The following RARS2 variants were observed in gnomAD, a reference collection of about 807,000 sequenced individuals.
The protein encoded by RARS2 is probable arginine--tRNA ligase, mitochondrial.
In RARS2, 67 loss-of-function variants were observed where a neutral mutation model predicts 88.5. The observed-to-expected ratio is 0.76, with a 90% confidence interval of 0.62 to 0.93. The LOEUF is 0.93. Ranked by LOEUF, RARS2 falls within the 40% of genes least tolerant of loss-of-function variation. The pLI is 0.00. For synonymous variants in RARS2, 239 were observed against 230.3 expected (o/e 1.04, Z -0.34); for missense variants, 664 against 684.2 (o/e 0.97, Z 0.33).
intron 6 of RARS2, 67 bp from the exon 7 acceptor site, chr6:87,545,766 C>G: frequency 1.3e-6 from 2 of 1,538,492 alleles, no homozygotes; most frequent in Non-Finnish European, 1.8e-6. Context: ...GAACCATGTA[C>G]TTCTCTATTA....
rs575005265 is a variant in RARS2 at position 87,572,599 on chromosome 6, G to C, written c.37-3009C>G. Among the ~76,000 whole-genome samples, 7 of 151,802 alleles carry C rather than the reference G, an allele frequency of 4.6e-5. No homozygotes were observed. In the East Asian group the frequency reaches 1.4e-3, roughly 30 times the overall value. On this transcript the variant is annotated intron_variant, in intron 1 of 19. Coordinates refer to ENST00000369536, the MANE Select transcript of RARS2 (RefSeq NM_020320.5). ...TTCCCCAGAGAAAAGGTCTCACTCT[G>C]TTACCCAGGCTGGAGTGCAGCGGCT...
At chr6:87,515,705 CTT>C (rs1360197228) in intron 18 of RARS2, 1 of 151,950 alleles carries the variant, frequency 6.6e-6, no homozygotes, top group Non-Finnish European at 1.5e-5. Context: ...TTTAAAGTAT[CTT>C]TTTAAATTTA....
At chr6:87,549,118 G>A (rs1042941547) in intron 5 of RARS2, among the ~76,000 whole-genome samples, 8 of 152,044 alleles carry the variant, frequency 5.3e-5, no homozygotes, top group African/African-American at 1.9e-4. Flanking sequence ...ACTTTGGGAG[G>A]CCGAGGCAGA....
chr6:87,523,117 C>A (rs982224920), intron 11 of RARS2, among the ~76,000 whole-genome samples: 3 of 151,990 alleles, frequency 2.0e-5, no homozygotes, highest in Non-Finnish European at 2.9e-5. Flanking sequence ...CAAATAGACA[C>A]CTGTTATATT....
intron 9 of RARS2, among the ~76,000 whole-genome samples, 155 bp from the exon 10 acceptor site, chr6:87,529,803 C>T (rs1776861600): frequency 6.6e-6 from 1 of 152,048 alleles, no homozygotes; most frequent in Non-Finnish European, 1.5e-5. Context: ...TGCCCATAAT[C>T]CCAGCACTTT....
At chr6:87,519,763 C>T in intron 13 of RARS2, 56 bp from the exon 14 acceptor site, 2 of 1,598,376 alleles carry the variant, frequency 1.3e-6, no homozygotes, top group Non-Finnish European at 1.7e-6. Flanking sequence ...CTGCTGAAAG[C>T]ATATAATACC....
At chr6:87,555,078 G>A (rs1332777266) in intron 5 of RARS2, among the ~76,000 whole-genome samples, 31 of 150,736 alleles carry the variant, frequency 2.1e-4, no homozygotes, top group Admixed American at 2.0e-3. Context: ...CAGCCTGGGC[G>A]ACAGAGTGAG....
At chr6:87,571,262 TCTC>T (rs1331277528) in intron 1 of RARS2, among the ~76,000 whole-genome samples, 1 of 152,122 alleles carries the variant, frequency 6.6e-6, no homozygotes, top group Non-Finnish European at 1.5e-5. Flanking sequence ...GCTCAACACT[TCTC>T]CTTGCTGCTG....
intron 4 of RARS2, 139 bp from the exon 5 acceptor site, chr6:87,555,644 C>T (rs1785633343): frequency 3.0e-6 from 2 of 670,644 alleles, no homozygotes; most frequent in Non-Finnish European, 2.7e-6. Context: ...AGTGGCACTA[C>T]CTCCAGCACC....
intron 6 of RARS2, among the ~76,000 whole-genome samples, chr6:87,546,448 C>T (rs1782658256): frequency 6.6e-6 from 1 of 152,024 alleles, no homozygotes; most frequent in Admixed American, 6.6e-5. Context: ...GAACAGAGGT[C>T]CTAGTATTCC....
intron 11 of RARS2, among the ~76,000 whole-genome samples, chr6:87,522,092 G>C (rs912388814): frequency 6.6e-6 from 1 of 152,148 alleles, no homozygotes; most frequent in South Asian, 2.1e-4. Flanking sequence ...AGCACTTTGG[G>C]AGGCTAAGGC....
At chr6:87,579,440 T>C (rs1772690081) in intron 1 of RARS2, among the ~76,000 whole-genome samples, 1 of 152,166 alleles carries the variant, frequency 6.6e-6, no homozygotes, top group African/African-American at 2.4e-5. Context: ...CTGAATCACC[T>C]GATAATTTTT....
chr6:87,554,433 A>T (rs924197538), intron 5 of RARS2, among the ~76,000 whole-genome samples: 2 of 152,144 alleles, frequency 1.3e-5, no homozygotes, highest in Non-Finnish European at 1.5e-5. Flanking sequence ...ATACTAAAAG[A>T]CTTGTTTCTC....
chr6:87,589,646 C>G (rs1035364179), intron 1 of RARS2: 5 of 984,480 alleles, frequency 5.1e-6, no homozygotes, highest in Non-Finnish European at 6.0e-6. Flanking sequence ...TGCCGCCACC[C>G]AGGTAAAGCA....
chr6:87,526,076 T>C (rs2128042447), intron 10 of RARS2, among the ~76,000 whole-genome samples: 1 of 152,282 alleles, frequency 6.6e-6, no homozygotes. Flanking sequence ...TTAAAAAATG[T>C]CCACACCACC....
At chr6:87,520,134 G>T (rs765195423) in intron 13 of RARS2, 46 bp downstream of exon 13, 2 of 1,496,982 alleles carry the variant, frequency 1.3e-6, no homozygotes, top group Non-Finnish European at 1.9e-6. Context: ...ACATTTTCAG[G>T]CTCAGCTGAC....
chr6:87,576,157 A>C lies in RARS2; in HGVS notation c.37-6567T>G, dbSNP rs963770150. On this transcript the variant is annotated intron_variant, in intron 1 of 19. Coordinates refer to ENST00000369536, the MANE Select transcript of RARS2 (RefSeq NM_020320.5). ...AAAAAATCCAAGCTGCAGCTGCACA[A>C]AGATAATTACACTTTGATATAATTT... Among the ~76,000 whole-genome samples, 79 of 121,188 alleles carry C rather than the reference A, an allele frequency of 6.5e-4. 17 individuals are homozygous for C. The highest frequency in any genetic ancestry group is 2.4e-3 in the African/African-American group (79 of 32,828). The allele number at this position is 121,188 out of a possible 152,430, so 79.5% of individuals were successfully genotyped here. A position where few individuals can be genotyped will look rare whatever the true frequency, so the allele number is the denominator to read the frequency against.
intron 5 of RARS2, among the ~76,000 whole-genome samples, chr6:87,551,017 T>C (rs535195155): frequency 1.3e-5 from 2 of 152,092 alleles, no homozygotes; most frequent in South Asian, 2.1e-4. Context: ...ATTTATAATG[T>C]CTGTTAAGAA....
chr6:87,566,948 C>T, intron 2 of RARS2, among the ~76,000 whole-genome samples: 1 of 151,832 alleles, frequency 6.6e-6, no homozygotes, highest in Non-Finnish European at 1.5e-5. Flanking sequence ...CCTGTAATCC[C>T]AGCACTTTGG....
Sources: gnomAD v4.1 joint callset for allele counts (sites outside exome capture counted in the v4.1 genomes callset) on GRCh38, gnomAD v4.1.1 for gene constraint, MANE v1.5 for transcripts, NCBI Gene and HGNC (gene_info 2026-07-23, HGNC 2026-07-21) for gene names.